PELI2: variants seen among roughly 807,000 people sequenced by gnomAD.
The protein encoded by PELI2 is pellino E3 ubiquitin protein ligase family member 2.
In PELI2, 23 loss-of-function variants were observed where a neutral mutation model predicts 42.3. The observed-to-expected ratio is 0.54, with a 90% CI of 0.39 to 0.77. The LOEUF (loss-of-function observed/expected upper bound fraction) is 0.77, where lower values mean the gene tolerates loss of function less well. Ranked by LOEUF, PELI2 falls within the 30% of genes least tolerant of loss-of-function variation. PELI2 has a pLI of 0.00. For synonymous variants in PELI2, 245 were observed against 212.2 expected, an observed-to-expected ratio of 1.15 and a Z score of -1.34; for missense variants, 463 against 553.2, an observed-to-expected ratio of 0.84 and a Z score of 1.64.
intron 2 of PELI2, among the ~76,000 whole-genome samples, chr14:56,226,539 AG>A (rs1160447441): frequency 6.6e-6 from 1 of 152,222 alleles, no homozygotes; most frequent in African/African-American, 2.4e-5. Flanking sequence ...ATAAATGTAC[AG>A]GTAATTAAGT....
At chr14:56,170,843 G>A (rs564261302) in intron 1 of PELI2, among the ~76,000 whole-genome samples, 1 of 152,292 alleles carries the variant, frequency 6.6e-6, no homozygotes, top group Non-Finnish European at 1.5e-5. Flanking sequence ...TATATGAAGA[G>A]TTAAATTTTC....
chr14:56,127,114 T>C (rs1376647560), intron 1 of PELI2, among the ~76,000 whole-genome samples: 4 of 152,234 alleles, frequency 2.6e-5, no homozygotes, highest in Non-Finnish European at 5.9e-5. Context: ...TTATAAGTCA[T>C]CTGCAAGTCT....
In PELI2 at chr14:56,288,671, A is replaced by G; in HGVS notation, c.507+37A>G. On this transcript the variant is annotated intron_variant, in intron 4 of 5. Coordinates refer to ENST00000267460, the MANE Select transcript of PELI2 (RefSeq NM_021255.3). The surrounding 1 kb of genome is among the most constrained non-coding windows in gnomAD (Gnocchi z 4.6). ...CAAGAAGTACACGATTTCTAGAAAAATGCTTGTGATTATGATATGGAACAT... is the reference window on the plus strand; with the variant it reads ...CAAGAAGTACACGATTTCTAGAAAAGTGCTTGTGATTATGATATGGAACAT... 1 of 1,496,112 alleles carries G rather than the reference A, an allele frequency of 6.7e-7. No homozygotes were observed. The highest frequency in any genetic ancestry group is 9.2e-7 in the Non-Finnish European group (1 of 1,086,884). The allele number at this position is 1,496,112 out of a possible 1,614,324, so 92.7% of individuals were successfully genotyped here.
At chr14:56,120,591 G>C (rs1883026312) in intron 1 of PELI2, among the ~76,000 whole-genome samples, 1 of 152,198 alleles carries the variant, frequency 6.6e-6, no homozygotes, top group African/African-American at 2.4e-5. Context: ...CTTAGGGGGC[G>C]AGACACTCAA....
rs572684377 is a variant in PELI2, at chr14:56,288,920, G to C, written c.507+286G>C. On this transcript the variant is annotated intron_variant, in intron 4 of 5. Transcript: ENST00000267460. The surrounding 1 kb of genome is among the most constrained non-coding windows in gnomAD (Gnocchi z 4.6). ...ATAATGTATTTACGGCAACGAAGAG[G>C]TTTATTTCAGAGAGAAAAATAAATG... Among the ~76,000 whole-genome samples the C allele has an allele frequency of 6.6e-6, 1 of 152,256 alleles. No homozygotes were observed. Among genetic ancestry groups the C allele is most frequent in the African/African-American group, 2.4e-5 (1 of 41,556 alleles).
chr14:56,204,272 G>C (rs916980763), intron 2 of PELI2, among the ~76,000 whole-genome samples: 1 of 152,220 alleles, frequency 6.6e-6, no homozygotes, highest in African/African-American at 2.4e-5. Flanking sequence ...AGACTGAGTT[G>C]TTTTAGACCG....
At position 56,126,811 on chromosome 14, in the gene PELI2, C is replaced by T. The variant is rs561118140; in HGVS notation, c.77+8074C>T. On this transcript the variant is annotated intron_variant, in intron 1 of 5. Transcript: ENST00000267460. ...TTGTAGACACAAAGGAGTGTGCTTT[C>T]ACACCAGATCCCAGAAAATTATGCT... is the stretch of plus-strand genomic sequence containing the variant. Among the ~76,000 whole-genome samples the T allele has an allele frequency of 2.0e-5, 3 of 152,278 alleles. No individual in the cohort carries two copies. In the South Asian group the frequency reaches 6.2e-4, roughly 32 times the overall value.
At chr14:56,262,191 G>A (rs36063231) in intron 2 of PELI2, among the ~76,000 whole-genome samples, 23,249 of 152,254 alleles carry the variant, frequency 0.15, 2,099 homozygotes, top group South Asian at 0.35. Context: ...TATTTGTCTT[G>A]CTTTAGCTAG....
chr14:56,226,878 A>G (rs1887376523), intron 2 of PELI2, among the ~76,000 whole-genome samples: 1 of 152,200 alleles, frequency 6.6e-6, no homozygotes, highest in Non-Finnish European at 1.5e-5. Context: ...GTGATAATCA[A>G]ATTTTGCAGA....
At chr14:56,205,778 C>T (rs12878509) in intron 2 of PELI2, among the ~76,000 whole-genome samples, 57,160 of 151,920 alleles carry the variant, frequency 0.38, 12,207 homozygotes, top group South Asian at 0.53. Context: ...CCCTTGTGCT[C>T]AGGGTTGCCT....
intron 1 of PELI2, among the ~76,000 whole-genome samples, chr14:56,139,850 T>C (rs1437953547): frequency 6.6e-6 from 1 of 151,684 alleles, no homozygotes; most frequent in Non-Finnish European, 1.5e-5. Context: ...ATTCAGCTCC[T>C]TTCTTTGGAA....
chr14:56,228,171 A>G (rs1887429769), intron 2 of PELI2, among the ~76,000 whole-genome samples: 1 of 152,266 alleles, frequency 6.6e-6, no homozygotes, highest in South Asian at 2.1e-4. Context: ...GCCATGTATA[A>G]AAGACAGCAT....
intron 1 of PELI2, among the ~76,000 whole-genome samples, chr14:56,177,286 A>C (rs1233881945): frequency 6.6e-6 from 1 of 151,616 alleles, no homozygotes; most frequent in Non-Finnish European, 1.5e-5. Flanking sequence ...CTGTCCGGCC[A>C]CTCCCTTCTG....
At chr14:56,144,931 G>A (rs1595553999) in intron 1 of PELI2, 6 of 972,806 alleles carry the variant, frequency 6.2e-6, no homozygotes, top group African/African-American at 5.3e-5. Context: ...ACTCTTTGCC[G>A]GTGTTTCCAT....
At chr14:56,152,696 A>G (rs1187141157) in intron 1 of PELI2, among the ~76,000 whole-genome samples, 2 of 152,180 alleles carry the variant, frequency 1.3e-5, no homozygotes, top group East Asian at 1.9e-4. Context: ...TTCCTTCACT[A>G]TAGCTTGTCA....
intron 1 of PELI2, among the ~76,000 whole-genome samples, chr14:56,168,222 GCAAAAC>G (rs1885036746): frequency 6.6e-6 from 1 of 152,016 alleles, no homozygotes; most frequent in South Asian, 2.1e-4. Flanking sequence ...TCAGCAGGTG[GCAAAAC>G]CAGCCAGGCT....
intron 2 of PELI2, among the ~76,000 whole-genome samples, chr14:56,227,211 A>G (rs1257363662): frequency 6.6e-6 from 1 of 152,180 alleles, no homozygotes; most frequent in Non-Finnish European, 1.5e-5. Flanking sequence ...GCACTGGGCC[A>G]GGGCAGGCCA....
intron 5 of PELI2, 145 bp from the exon 6 acceptor site, chr14:56,296,455 T>A (rs1594724335): frequency 1.6e-6 from 1 of 608,910 alleles, no homozygotes; most frequent in South Asian, 2.0e-5. Flanking sequence ...GGAGGATAGG[T>A]TACTCCCCCA....
At chr14:56,284,579 T>C (rs1594714320) in intron 3 of PELI2, among the ~76,000 whole-genome samples, 1 of 152,116 alleles carries the variant, frequency 6.6e-6, no homozygotes, top group Non-Finnish European at 1.5e-5. Context: ...ATTTAGTTGA[T>C]TTACTGTAGT....
Sources: allele counts gnomAD v4.1 joint callset (sites outside exome capture counted in the v4.1 genomes callset), GRCh38; gene constraint gnomAD v4.1.1; non-coding constraint Gnocchi (gnomAD v3.1); transcripts MANE v1.5; gene names NCBI Gene and HGNC (gene_info 2026-07-23, HGNC 2026-07-21).